TCF4: variants seen among roughly 807,000 people sequenced by gnomAD.
TCF4 encodes SL3-3 enhancer factor 2.
A neutral mutation model predicts 82.1 loss-of-function variants in TCF4; 3 were observed. That is an observed-to-expected ratio of 0.04 (90% CI 0.02 to 0.09). The LOEUF (loss-of-function observed/expected upper bound fraction) is 0.09. Ranked by LOEUF, TCF4 falls within the 10% of genes least tolerant of loss-of-function variation. The pLI is 1.00. For missense variants in TCF4, 518 were observed against 852.7 expected, an observed-to-expected ratio of 0.61 and a Z score of 4.89; for synonymous variants, 276 against 309.6, an observed-to-expected ratio of 0.89 and a Z score of 1.14.
At chr18:55,459,912 T>C (rs1020678507) in intron 5 of TCF4, among the ~76,000 whole-genome samples, 9 of 152,184 alleles carry the variant, frequency 5.9e-5, no homozygotes, top group African/African-American at 1.9e-4. Flanking sequence ...ATGTTACCCA[T>C]TAAAAATAAG....
intron 5 of TCF4, among the ~76,000 whole-genome samples, chr18:55,442,452 G>GA (rs751749115): frequency 6.6e-6 from 1 of 152,098 alleles, no homozygotes; most frequent in Non-Finnish European, 1.5e-5. Flanking sequence ...CCATGTAAAT[G>GA]AAAAATATAA....
At chr18:55,492,022 G>C (rs559968742) in intron 3 of TCF4, among the ~76,000 whole-genome samples, 2 of 152,086 alleles carry the variant, frequency 1.3e-5, no homozygotes, top group African/African-American at 4.8e-5. Flanking sequence ...GTTCCGATTG[G>C]TGCAAATTGT....
At chr18:55,589,837 T>C (rs1181461495), upstream of TCF4, 14 of 1,004,264 alleles carry the variant, frequency 1.4e-5, no homozygotes, top group Non-Finnish European at 1.5e-5. Context: ...CGGCTGCTCC[T>C]CCAGACAATG....
chr18:55,463,437 C>T (rs887849079), intron 4 of TCF4, among the ~76,000 whole-genome samples: 4 of 152,310 alleles, frequency 2.6e-5, no homozygotes, highest in Admixed American at 6.5e-5. Flanking sequence ...ATTCCTATTA[C>T]ATTATATTCC....
intron 8 of TCF4, among the ~76,000 whole-genome samples, chr18:55,294,269 G>GA (rs1396986356): frequency 2.1e-5 from 3 of 144,368 alleles, no homozygotes; most frequent in South Asian, 2.1e-4. Flanking sequence ...CAAAAAAAAA[G>GA]AAAAAAAAGA....
chr18:55,545,263 T>G (rs2097196319), intron 3 of TCF4, among the ~76,000 whole-genome samples: 1 of 152,220 alleles, frequency 6.6e-6, no homozygotes, highest in Non-Finnish European at 1.5e-5. Flanking sequence ...TCTGTGTGTA[T>G]GCATACATAA....
chr18:55,342,448 A>T (rs1416399634), intron 8 of TCF4, among the ~76,000 whole-genome samples: 3 of 152,158 alleles, frequency 2.0e-5, no homozygotes, highest in Non-Finnish European at 4.4e-5. Flanking sequence ...AAATGGCAGA[A>T]TTTCGAATTT....
chr18:55,405,627 T>C (rs775440441), intron 5 of TCF4, among the ~76,000 whole-genome samples: 1 of 152,114 alleles, frequency 6.6e-6, no homozygotes, highest in Non-Finnish European at 1.5e-5. Context: ...GCCTCACTTA[T>C]AGATATAAGT....
intron 5 of TCF4, among the ~76,000 whole-genome samples, chr18:55,419,226 T>C (rs1269857934): frequency 6.6e-6 from 1 of 152,162 alleles, no homozygotes; most frequent in African/African-American, 2.4e-5. Context: ...AGAAAATGCC[T>C]ACATTAAACT....
At chr18:55,486,767 C>T (rs192480260) in intron 3 of TCF4, among the ~76,000 whole-genome samples, 282 of 152,306 alleles carry the variant, frequency 1.9e-3, no homozygotes, top group African/African-American at 5.8e-3. Context: ...AGTCTTATTT[C>T]ACTGAAGAGT....
intron 3 of TCF4, among the ~76,000 whole-genome samples, chr18:55,507,561 G>C (rs1005242847): frequency 6.6e-6 from 1 of 151,646 alleles, no homozygotes. Context: ...GGGGGGCGGG[G>C]GGACTACTGT....
chr18:55,589,889 T>C (rs2097680945), upstream of TCF4: 1 of 968,976 alleles, frequency 1.0e-6, no homozygotes, highest in Non-Finnish European at 1.2e-6. Flanking sequence ...CATAGAGTGG[T>C]AAACAGAGCG....
At chr18:55,340,009 A>G (rs2079500952) in intron 8 of TCF4, among the ~76,000 whole-genome samples, 2 of 152,284 alleles carry the variant, frequency 1.3e-5, no homozygotes, top group Non-Finnish European at 1.5e-5. Context: ...CCTAGTCCAC[A>G]CATCTTCATC....
At chr18:55,398,696 G>T (rs2093635658) in intron 6 of TCF4, among the ~76,000 whole-genome samples, 1 of 152,162 alleles carries the variant, frequency 6.6e-6, no homozygotes, top group African/African-American at 2.4e-5. Flanking sequence ...TTGCTATTCA[G>T]ACCTTACTCC....
chr18:55,535,701 A>G (rs1472908882), intron 3 of TCF4, among the ~76,000 whole-genome samples: 2 of 152,242 alleles, frequency 1.3e-5, no homozygotes, highest in Non-Finnish European at 2.9e-5. Context: ...AACAGAAATA[A>G]AACATGAAAT....
intron 14 of TCF4, among the ~76,000 whole-genome samples, chr18:55,256,414 T>G (rs2056858727): frequency 6.6e-6 from 1 of 152,186 alleles, no homozygotes; most frequent in Admixed American, 6.6e-5. Context: ...TATGTTTCAC[T>G]GTCTGGTTTC....
At chr18:55,244,563 G>A (rs762378848) in intron 15 of TCF4, among the ~76,000 whole-genome samples, 18 of 152,130 alleles carry the variant, frequency 1.2e-4, no homozygotes, top group Non-Finnish European at 2.2e-4. Flanking sequence ...CTAAATAAAG[G>A]AGCAAACTTC....
rs3040521 is a variant in TCF4 at position 55,236,069 on chromosome 18, ATGTGTGTG to A, written c.1351-1394_1351-1387del. Among the ~76,000 whole-genome samples, 5 of 151,072 alleles carry A rather than the reference ATGTGTGTG, an allele frequency of 3.3e-5. No homozygotes were observed. The South Asian group carries it at 6.3e-4, about 19-fold the overall frequency. On this transcript the variant is annotated intron_variant, in intron 15 of 19. Transcript: ENST00000354452. ...ATGCCATTTTTATATTCATGTGTGCATGTGTGTGTGTGTGTGTGTGTGTGTATGCACTC... is the reference window on the plus strand; with the variant it reads ...ATGCCATTTTTATATTCATGTGTGCATGTGTGTGTGTGTGTGTATGCACTC...
At chr18:55,363,493 C>T (rs2086020886) in intron 6 of TCF4, among the ~76,000 whole-genome samples, 1 of 152,116 alleles carries the variant, frequency 6.6e-6, no homozygotes, top group Non-Finnish European at 1.5e-5. Context: ...GGGACCCAGA[C>T]TACATACTCG....
Sources: allele counts gnomAD v4.1 joint callset (sites outside exome capture counted in the v4.1 genomes callset), GRCh38; gene constraint gnomAD v4.1.1; transcripts MANE v1.5; gene names NCBI Gene and HGNC (gene_info 2026-07-23, HGNC 2026-07-21).